PSD3: variants seen among roughly 807,000 people sequenced by gnomAD.
PSD3 encodes the protein pleckstrin and Sec7 domain containing 3.
PSD3 carries 49 observed loss-of-function variants against 105.5 expected under a neutral mutation model. That is an observed-to-expected ratio of 0.46 (90% CI 0.37 to 0.59). PSD3 has a LOEUF of 0.59. Among genes scored for constraint, PSD3 ranks in the 20% least tolerant of loss-of-function variants. The probability of loss-of-function intolerance (pLI) is 0.00; values close to 1 mark genes in which losing one functional copy is unlikely to be tolerated. For synonymous variants in PSD3, 557 were observed against 457.8 expected, an observed-to-expected ratio of 1.22 and a Z score of -2.77; for missense variants, 1,561 against 1,263.8, an observed-to-expected ratio of 1.24 and a Z score of -3.57.
intron 10 of PSD3, among the ~76,000 whole-genome samples, chr8:18,634,780 T>C (rs979375812): frequency 6.6e-6 from 1 of 152,180 alleles, no homozygotes; most frequent in Non-Finnish European, 1.5e-5. Context: ...CTCAGTGCTT[T>C]AGGTCCAGGG....
At chr8:18,947,646 G>C (rs1822951771) in intron 1 of PSD3, among the ~76,000 whole-genome samples, 1 of 152,200 alleles carries the variant, frequency 6.6e-6, no homozygotes, top group South Asian at 2.1e-4. Flanking sequence ...GGACAAGAAA[G>C]CATGCCTTTA....
At chr8:18,541,266 G>A (rs1800136156) in intron 15 of PSD3, among the ~76,000 whole-genome samples, 1 of 150,806 alleles carries the variant, frequency 6.6e-6, no homozygotes, top group Admixed American at 6.7e-5. Context: ...CCAGGGCCAA[G>A]AACACACAGT....
chr8:18,903,788 G>A (rs1819663979), intron 2 of PSD3, among the ~76,000 whole-genome samples: 1 of 152,058 alleles, frequency 6.6e-6, no homozygotes, highest in Admixed American at 6.5e-5. Flanking sequence ...TAGGATATAG[G>A]ACCTTTCTGG....
intron 9 of PSD3, among the ~76,000 whole-genome samples, chr8:18,674,152 A>G (rs78681408): frequency 6.6e-6 from 1 of 151,978 alleles, no homozygotes; most frequent in Non-Finnish European, 1.5e-5. Context: ...CTTAAAAAAA[A>G]AAAGAAAATG....
Position 19,013,677 on chromosome 8 carries a change from G to A in PSD3, c.-94C>T, listed in dbSNP as rs1218848371. 2.4e-5 allele frequency: 27 copies of A among 1,115,062 alleles called. No individual in the cohort carries two copies. Among genetic ancestry groups the A allele is most frequent in the Admixed American group, 4.6e-5 (1 of 21,536 alleles). The allele number at this position is 1,115,062 out of a possible 1,614,324, so 69.1% of individuals were successfully genotyped here. ...CGAGTGCCGGCGGCCAGCGCCGCGT[G>A]CTCTTTGTTGAGCTCCCGGGACTGC... is the stretch of plus-strand genomic sequence containing the variant. On this transcript the variant is annotated 5_prime_UTR_variant, in exon 1 of 16. Transcript: ENST00000327040.
rs1265268310 is a variant in PSD3 at position 18,532,486 on chromosome 8, A to T, written c.*3257T>A. On this transcript the variant is annotated 3_prime_UTR_variant, in exon 16 of 16. Coordinates refer to ENST00000327040, the MANE Select transcript of PSD3 (RefSeq NM_015310.4). ...TGCCACAAGACCACTGCACCAAAAAATGCTTTCTATCCTCTGCATCTAAGA... is the reference window on the plus strand; with the variant it reads ...TGCCACAAGACCACTGCACCAAAAATTGCTTTCTATCCTCTGCATCTAAGA... 6.6e-6 allele frequency: 1 copy of T among 152,234 alleles called. No homozygotes were observed. The highest frequency in any genetic ancestry group is 1.5e-5 in the Non-Finnish European group (1 of 68,044). The allele number at this position is 152,234 out of a possible 1,614,324, so 9.4% of individuals were successfully genotyped here.
intron 2 of PSD3, among the ~76,000 whole-genome samples, chr8:18,921,998 T>C (rs1363525359): frequency 6.6e-6 from 1 of 152,202 alleles, no homozygotes; most frequent in Admixed American, 6.5e-5. Context: ...AATATTTTAA[T>C]AAAACATTGG....
chr8:18,921,045 T>C (rs764170559), intron 2 of PSD3, among the ~76,000 whole-genome samples: 3 of 152,196 alleles, frequency 2.0e-5, no homozygotes, highest in Non-Finnish European at 2.9e-5. Flanking sequence ...AAATTCTACA[T>C]GAATGGAATG....
chr8:18,646,640 A>T (rs1808058134), intron 10 of PSD3, among the ~76,000 whole-genome samples: 2 of 152,192 alleles, frequency 1.3e-5, no homozygotes, highest in South Asian at 4.1e-4. Flanking sequence ...ATTATATTAA[A>T]AAGTGTAAGG....
At chr8:19,045,843 C>G (rs1178412078) in intron 1 of PSD3, among the ~76,000 whole-genome samples, 1 of 152,166 alleles carries the variant, frequency 6.6e-6, no homozygotes, top group Non-Finnish European at 1.5e-5. Flanking sequence ...ATTAAATCCT[C>G]ACAATAACCT....
intron 8 of PSD3, among the ~76,000 whole-genome samples, chr8:18,788,443 T>A (rs1809391262): frequency 6.6e-6 from 1 of 152,182 alleles, no homozygotes; most frequent in Non-Finnish European, 1.5e-5. Context: ...GAATGTAACC[T>A]ACAAAGCTCT....
intron 15 of PSD3, among the ~76,000 whole-genome samples, chr8:18,547,901 C>A (rs1228377606): frequency 6.6e-6 from 1 of 152,152 alleles, no homozygotes; most frequent in Non-Finnish European, 1.5e-5. Context: ...CTGCCATGTT[C>A]CCTCTCTTGC....
In PSD3 at chr8:19,073,682, G is replaced by C. The variant is rs551109361; in HGVS notation, c.324+10524C>G. Among the ~76,000 whole-genome samples the C allele has an allele frequency of 3.6e-4, 55 of 152,006 alleles. No homozygotes were observed. In the East Asian group the frequency reaches 7.7e-3, roughly 21 times the overall value. On this transcript the variant is annotated intron_variant, in intron 1 of 1. Coordinates refer to the PSD3 transcript ENST00000521475. ...TGTTGTGAACTGACATATTATAAGA[G>C]GGGTCACAAATTTCTAAATGGCATT... is the stretch of plus-strand genomic sequence containing the variant.
At chr8:18,674,755 C>T (rs1338367118) in intron 9 of PSD3, among the ~76,000 whole-genome samples, 1 of 151,960 alleles carries the variant, frequency 6.6e-6, no homozygotes, top group Non-Finnish European at 1.5e-5. Context: ...GTCTGTGATC[C>T]CAGCACTTTG....
intron 1 of PSD3, among the ~76,000 whole-genome samples, chr8:18,983,331 T>C (rs1825335369): frequency 6.6e-6 from 1 of 152,238 alleles, no homozygotes; most frequent in East Asian, 1.9e-4. Flanking sequence ...ATAAGGCTTC[T>C]GCTTTCTTAT....
At chr8:19,020,232 G>T (rs1455925020) in intron 1 of PSD3, among the ~76,000 whole-genome samples, 4 of 152,266 alleles carry the variant, frequency 2.6e-5, no homozygotes, top group African/African-American at 9.6e-5. Flanking sequence ...GTTATATGAT[G>T]CTGAGTGTCT....
chr8:18,729,134 A>T (rs1385287277), intron 9 of PSD3, among the ~76,000 whole-genome samples: 1 of 152,180 alleles, frequency 6.6e-6, no homozygotes, highest in Non-Finnish European at 1.5e-5. Context: ...AACGCTAGAG[A>T]CTTCATCAAC....
chr8:18,713,809 GTC>G (rs1802402648), intron 9 of PSD3, among the ~76,000 whole-genome samples: 1 of 152,102 alleles, frequency 6.6e-6, no homozygotes, highest in Non-Finnish European at 1.5e-5. Flanking sequence ...CCGAAAAAGA[GTC>G]TGTACAGCCA....
rs934837324 is a variant in PSD3 at position 18,535,481 on chromosome 8, A to G, written c.*262T>C. On this transcript the variant is annotated 3_prime_UTR_variant, in exon 16 of 16. Transcript: ENST00000327040. ...GAGAAAACCAAAAGAGAAGGGATACATAATTCATTCTGAAATCACGATCCC... is the reference window on the plus strand; with the variant it reads ...GAGAAAACCAAAAGAGAAGGGATACGTAATTCATTCTGAAATCACGATCCC... 1.0e-5 allele frequency: 5 copies of G among 478,620 alleles called. No individual in the cohort carries two copies. The highest frequency in any genetic ancestry group is 3.9e-5 in the African/African-American group (2 of 51,906). The allele number at this position is 478,620 out of a possible 1,614,324, so 29.6% of individuals were successfully genotyped here.
Sources: gnomAD v4.1 joint callset for allele counts (sites outside exome capture counted in the v4.1 genomes callset) on GRCh38, gnomAD v4.1.1 for gene constraint, MANE v1.5 for transcripts, NCBI Gene and HGNC (gene_info 2026-07-23, HGNC 2026-07-21) for gene names.